Variants in IL1RAPL1 observed in about 807,000 individuals in gnomAD.
IL1RAPL1 encodes interleukin-1 receptor accessory protein-like 1.
Under a neutral mutation model 48.4 loss-of-function variants are expected in IL1RAPL1, and 3 were observed. The observed-to-expected ratio is 0.06, with a 90% CI of 0.03 to 0.16. IL1RAPL1 has a LOEUF of 0.16. Ranked by LOEUF, IL1RAPL1 falls within the 10% of genes least tolerant of loss-of-function variation. The probability of loss-of-function intolerance (pLI) is 1.00; values close to 1 mark genes in which losing one functional copy is unlikely to be tolerated. For synonymous variants in IL1RAPL1, 185 were observed against 187.7 expected (o/e 0.99, Z 0.12); for missense variants, 349 against 530.6 (o/e 0.66, Z 3.36).
Position 29,116,282 on chromosome X carries a change from G to A in IL1RAPL1, c.83-166656G>A, listed in dbSNP as rs186683394. Among the ~76,000 whole-genome samples the A allele has an allele frequency of 2.7e-5, 3 of 110,758 alleles. No individual in the cohort carries two copies. The Admixed American group carries it at 2.9e-4, about 11-fold the overall frequency. Reference sequence around the variant, plus strand: ...AAGACATGATCAAAATGATACTTTAGGAAGATTAATCTGATGCAGTCAAAA... The same window carrying A: ...AAGACATGATCAAAATGATACTTTAAGAAGATTAATCTGATGCAGTCAAAA... On this transcript the variant is annotated intron_variant, in intron 2 of 10. Transcript: ENST00000378993.
chrX:29,756,164 T>C (rs1173292388), intron 6 of IL1RAPL1, among the ~76,000 whole-genome samples: 1 of 111,785 alleles, frequency 8.9e-6, no homozygotes, highest in African/African-American at 3.3e-5. Context: ...CCTAGTATAC[T>C]GAAATAGAAA....
At chrX:29,591,318 A>G (rs2147056373) in intron 5 of IL1RAPL1, among the ~76,000 whole-genome samples, 1 of 112,573 alleles carries the variant, frequency 8.9e-6, no homozygotes, top group South Asian at 3.7e-4. Flanking sequence ...GTAAATATGA[A>G]GTTCAGTGCA....
intron 1 of IL1RAPL1, among the ~76,000 whole-genome samples, chrX:28,655,844 G>A (rs142393179): frequency 8.2e-4 from 92 of 111,749 alleles, no homozygotes; most frequent in Admixed American, 1.2e-3. Context: ...TTAAAATTAC[G>A]TGAATTTCTT....
chrX:29,185,674 A>G (rs1357082633), intron 2 of IL1RAPL1, among the ~76,000 whole-genome samples: 1 of 112,142 alleles, frequency 8.9e-6, no homozygotes. Context: ...TAATTAAACT[A>G]CAAACCTGGA....
chrX:29,290,185 C>G (rs914028906), intron 3 of IL1RAPL1, among the ~76,000 whole-genome samples: 4 of 112,015 alleles, frequency 3.6e-5, no homozygotes, highest in African/African-American at 1.3e-4. Context: ...GCTGCAGATA[C>G]TATGAAAATA....
chrX:28,852,415 G>T (rs954405633), intron 2 of IL1RAPL1, among the ~76,000 whole-genome samples: 3 of 108,527 alleles, frequency 2.8e-5, no homozygotes, highest in Admixed American at 1.0e-4. Flanking sequence ...TAACAAATTT[G>T]TGTATTTTAT....
At chrX:28,845,380 A>T (rs1455431339) in intron 2 of IL1RAPL1, among the ~76,000 whole-genome samples, 1 of 110,916 alleles carries the variant, frequency 9.0e-6, no homozygotes, top group Non-Finnish European at 1.9e-5. Context: ...AATTGTACGT[A>T]TTAAAAAAAT....
intron 3 of IL1RAPL1, among the ~76,000 whole-genome samples, chrX:29,356,549 CGTAT>C (rs1933305723): frequency 1.2e-5 from 1 of 80,684 alleles, no homozygotes; most frequent in Admixed American, 1.4e-4. Flanking sequence ...CACACACGTG[CGTAT>C]GTATGTGTGA....
At chrX:29,393,526 C>CCTCT (rs1361149445) in intron 3 of IL1RAPL1, among the ~76,000 whole-genome samples, 108 of 107,817 alleles carry the variant, frequency 1.0e-3, no homozygotes, top group African/African-American at 3.2e-3. Context: ...CTTGACCCTG[C>CCTCT]CTCTCTCTCT....
At chrX:29,138,522 C>G (rs1827925809) in intron 2 of IL1RAPL1, among the ~76,000 whole-genome samples, 1 of 110,317 alleles carries the variant, frequency 9.1e-6, no homozygotes, top group Non-Finnish European at 1.9e-5. Flanking sequence ...AATCCCGGCA[C>G]TTTGGGAGGC....
chrX:29,813,255 A>T (rs1323137411), intron 6 of IL1RAPL1, among the ~76,000 whole-genome samples: 1 of 111,548 alleles, frequency 9.0e-6, no homozygotes, highest in African/African-American at 3.3e-5. Flanking sequence ...TTAGAACAAC[A>T]CTATCTTTTA....
intron 1 of IL1RAPL1, among the ~76,000 whole-genome samples, chrX:28,774,232 G>C (rs1027327214): frequency 1.5e-4 from 17 of 110,570 alleles, no homozygotes; most frequent in Admixed American, 1.2e-3. Flanking sequence ...TCCTAAATAT[G>C]TACCTGCAGA....
At chrX:29,594,131 G>C (rs2147058235) in intron 5 of IL1RAPL1, among the ~76,000 whole-genome samples, 1 of 112,598 alleles carries the variant, frequency 8.9e-6, no homozygotes, top group East Asian at 2.8e-4. Flanking sequence ...TGACTGTTGA[G>C]TGAAAGAGAA....
chrX:28,628,057 A>G (rs1367246922), intron 1 of IL1RAPL1, among the ~76,000 whole-genome samples: 1 of 111,323 alleles, frequency 9.0e-6, no homozygotes, highest in African/African-American at 3.3e-5. Flanking sequence ...AGCATGTCCA[A>G]GTGTCTGTAG....
intron 6 of IL1RAPL1, among the ~76,000 whole-genome samples, chrX:29,877,310 A>G (rs1269662213): frequency 9.0e-6 from 1 of 111,284 alleles, no homozygotes; most frequent in Non-Finnish European, 1.9e-5. Flanking sequence ...GGGATCTCAG[A>G]TGAGCCCTGG....
chrX:29,228,631 G>T (rs1041217713), intron 2 of IL1RAPL1, among the ~76,000 whole-genome samples: 1 of 110,758 alleles, frequency 9.0e-6, no homozygotes, highest in Non-Finnish European at 1.9e-5. Flanking sequence ...GGGATTACAG[G>T]CGTGAGCCAC....
At chrX:28,911,110 A>T (rs1308311578) in intron 2 of IL1RAPL1, among the ~76,000 whole-genome samples, 1 of 111,746 alleles carries the variant, frequency 8.9e-6, no homozygotes, top group Non-Finnish European at 1.9e-5. Flanking sequence ...ATGAAGGAGA[A>T]AAAGTTCATT....
intron 3 of IL1RAPL1, among the ~76,000 whole-genome samples, chrX:29,346,119 G>A (rs552278797): frequency 8.9e-6 from 1 of 112,026 alleles, no homozygotes; most frequent in African/African-American, 3.2e-5. Context: ...TCCTCACTCA[G>A]ATGCAGTCAG....
In IL1RAPL1 at chrX:29,057,753, T is replaced by C. The variant is rs567129034; in HGVS notation, c.83-225185T>C. Among the ~76,000 whole-genome samples the C allele has an allele frequency of 1.9e-4, 21 of 111,775 alleles. No individual in the cohort carries two copies. In the South Asian group the frequency reaches 7.8e-3, roughly 42 times the overall value. ...CTGTTTAGCCTACTTTTATGACTGATTCACATTTATTAAATAGCTCCTAGC... is the reference window on the plus strand; with the variant it reads ...CTGTTTAGCCTACTTTTATGACTGACTCACATTTATTAAATAGCTCCTAGC... On this transcript the variant is annotated intron_variant, in intron 2 of 10. Coordinates refer to ENST00000378993, the MANE Select transcript of IL1RAPL1 (RefSeq NM_014271.4).
Sources: gnomAD v4.1 joint callset for allele counts (sites outside exome capture counted in the v4.1 genomes callset) on GRCh38, gnomAD v4.1.1 for gene constraint, MANE v1.5 for transcripts, NCBI Gene and HGNC (gene_info 2026-07-23, HGNC 2026-07-21) for gene names.